Variants in NR1I2 observed in about 807,000 individuals in gnomAD.
NR1I2 encodes the protein orphan nuclear receptor PAR1.
In NR1I2, 42 loss-of-function variants were observed where a neutral mutation model predicts 43.3. That is an observed-to-expected ratio of 0.97 (90% confidence interval 0.76 to 1.26). The LOEUF (loss-of-function observed/expected upper bound fraction) is 1.26, where lower values mean the gene tolerates loss of function less well. Among genes scored for constraint, NR1I2 ranks in the 50% most tolerant of loss-of-function variants. The probability of loss-of-function intolerance (pLI) is 0.00; values close to 1 mark genes in which losing one functional copy is unlikely to be tolerated. For synonymous variants in NR1I2, 229 were observed against 215.0 expected (o/e 1.06, Z -0.57); for missense variants, 559 against 566.7 (o/e 0.99, Z 0.14).
At chr3:119,813,849 A>G (rs902072763) in intron 5 of NR1I2, among the ~76,000 whole-genome samples, 1 of 152,146 alleles carries the variant, frequency 6.6e-6, no homozygotes, top group Non-Finnish European at 1.5e-5. Flanking sequence ...GTGACTGACA[A>G]TTTAACACCA....
rs373020670 is a variant in NR1I2, at chr3:119,803,970, C to G, written c.-22-3259C>G. ...ATGGGGTTTCTCCACGTTGGCCAGG[C>G]TAGTCCTGAATTCCTGGCCTCAAGT... On this transcript the variant is annotated intron_variant, in intron 1 of 8. Transcript: ENST00000393716. Among the ~76,000 whole-genome samples the G allele has an allele frequency of 2.0e-5, 3 of 152,194 alleles. No homozygotes were observed. The East Asian group carries it at 5.8e-4, about 30-fold the overall frequency.
intron 2 of NR1I2, among the ~76,000 whole-genome samples, chr3:119,809,057 T>C (rs1334166757): frequency 6.6e-6 from 1 of 152,182 alleles, no homozygotes; most frequent in Non-Finnish European, 1.5e-5. Context: ...ACTGCGGGCT[T>C]GGCTCAGCTT....
At chr3:119,809,330 T>C (rs1025099067) in intron 2 of NR1I2, among the ~76,000 whole-genome samples, 4 of 151,994 alleles carry the variant, frequency 2.6e-5, no homozygotes, top group Admixed American at 2.0e-4. Flanking sequence ...CCATTGCCTC[T>C]CTGCGCACCG....
chr3:119,803,497 C>T (rs948217976), intron 1 of NR1I2, among the ~76,000 whole-genome samples: 1 of 152,030 alleles, frequency 6.6e-6, no homozygotes, highest in African/African-American at 2.4e-5. Flanking sequence ...TCTACCAGTG[C>T]CTTAATCTTG....
intron 8 of NR1I2, among the ~76,000 whole-genome samples, chr3:119,816,597 G>T (rs1314076617): frequency 1.3e-5 from 2 of 152,126 alleles, no homozygotes; most frequent in Non-Finnish European, 2.9e-5. Flanking sequence ...AAGACAGGAG[G>T]ATCCCTTGGG....
chr3:119,798,234 T>C (rs2055026527), intron 1 of NR1I2, among the ~76,000 whole-genome samples: 3 of 152,214 alleles, frequency 2.0e-5, no homozygotes, highest in African/African-American at 7.2e-5. Context: ...TTTCTGTGCT[T>C]CGGTTTATAT....
At chr3:119,793,552 C>T (rs950446335) in intron 1 of NR1I2, among the ~76,000 whole-genome samples, 1 of 152,216 alleles carries the variant, frequency 6.6e-6, no homozygotes, top group Non-Finnish European at 1.5e-5. Context: ...CTCACAGCCC[C>T]TTCTTCCATC....
At chr3:119,817,006 G>A (rs985457628) in intron 8 of NR1I2, 62 bp from the exon 9 acceptor site, 2 of 1,608,910 alleles carry the variant, frequency 1.2e-6, no homozygotes, top group Admixed American at 3.3e-5. Context: ...CCTCAGAGCA[G>A]CCCTGAGGCT....
At chr3:119,810,521 A>C (rs1253673780) in intron 3 of NR1I2, 1 of 354,432 alleles carries the variant, frequency 2.8e-6, no homozygotes, top group Admixed American at 4.4e-5. Flanking sequence ...GTTTGAAACC[A>C]CATTTGCGGG....
chr3:119,797,997 G>C lies in NR1I2; in HGVS notation c.-22-9232G>C, dbSNP rs141036250. ...TTTGTGGTTAATTTTTTTTTTCTGG[G>C]TATTTGTAAGATTAGTTTTCTTGTC... On this transcript the variant is annotated intron_variant, in intron 1 of 8. Transcript: ENST00000393716. 7.8e-4 allele frequency among the ~76,000 whole-genome samples: 119 copies of C among 151,674 alleles called. 1 individual carries two copies. The highest frequency in any genetic ancestry group is 2.7e-3 in the African/African-American group (112 of 41,342).
chr3:119,817,718 T>A lies in NR1I2; in HGVS notation c.*506T>A. 9.5e-7 allele frequency: 1 copy of A among 1,057,776 alleles called. No homozygotes were observed. Among genetic ancestry groups the A allele is most frequent in the Non-Finnish European group, 1.1e-6 (1 of 872,818 alleles). 65.5% of individuals were successfully genotyped at this position (1,057,776 alleles called of 1,614,324 possible). A position where few individuals can be genotyped will look rare whatever the true frequency, so the allele number is the denominator to read the frequency against. On this transcript the variant is annotated 3_prime_UTR_variant, in exon 9 of 9. Coordinates refer to ENST00000393716, the MANE Select transcript of NR1I2 (RefSeq NM_003889.4). Reference sequence around the variant, plus strand: ...CGAGCTGCTTTGTGGGCTCCAGGCCTGTACTCATCGGCAGGCGCATGAGTA... The same window carrying A: ...CGAGCTGCTTTGTGGGCTCCAGGCCAGTACTCATCGGCAGGCGCATGAGTA...
intron 1 of NR1I2, chr3:119,792,687 G>A (rs1577271284): frequency 4.0e-6 from 2 of 496,040 alleles, no homozygotes; most frequent in Non-Finnish European, 7.3e-6. Context: ...AGGAAATACA[G>A]ATAAAATCAC....
At chr3:119,787,934 G>C (rs776657376) in intron 1 of NR1I2, among the ~76,000 whole-genome samples, 8 of 151,516 alleles carry the variant, frequency 5.3e-5, no homozygotes, top group Non-Finnish European at 1.0e-4. Context: ...CTTTTACTTA[G>C]ACTCTGTTGC....
chr3:119,797,186 A>ATGTGTG (rs60261128), intron 1 of NR1I2, among the ~76,000 whole-genome samples: 45,917 of 144,938 alleles, frequency 0.32, 7,912 homozygotes, highest in Middle Eastern at 0.44. Context: ...GCACAAAGAT[A>ATGTGTG]TGTGTGTGTG....
chr3:119,804,109 C>T (rs181668384), intron 1 of NR1I2, among the ~76,000 whole-genome samples: 60 of 151,020 alleles, frequency 4.0e-4, no homozygotes, highest in African/African-American at 9.7e-4. Flanking sequence ...CGGTGGCTCA[C>T]GCCTGTAATC....
In NR1I2 at chr3:119,799,379, AT is replaced by A. The variant is rs1437969067; in HGVS notation, c.-22-7847del. Among the ~76,000 whole-genome samples the A allele has an allele frequency of 7.9e-5, 12 of 152,082 alleles. No homozygotes were observed. In the East Asian group the frequency reaches 2.3e-3, roughly 29 times the overall value. ...CTTTTGTTCATTTTTAAATTGGGTT[AT>A]TTGTATTTATATTATTGAGTTGTAA... On this transcript the variant is annotated intron_variant, in intron 1 of 8. Coordinates refer to ENST00000393716, the MANE Select transcript of NR1I2 (RefSeq NM_003889.4).
intron 1 of NR1I2, among the ~76,000 whole-genome samples, chr3:119,799,985 A>AACAAAC (rs1553717728): frequency 0.19 from 26,586 of 142,078 alleles, 2,919 homozygotes; most frequent in Non-Finnish European, 0.26. Context: ...CAAACAAACA[A>AACAAAC]ACACACACAC....
intron 1 of NR1I2, among the ~76,000 whole-genome samples, chr3:119,797,665 A>G (rs146405179): frequency 1.3e-5 from 2 of 152,260 alleles, no homozygotes; most frequent in South Asian, 2.1e-4. Context: ...GTAGTTTTAA[A>G]CCTTCAATAT....
At position 119,791,782 on chromosome 3, in the gene NR1I2, G is replaced by C. The variant is rs974459151; in HGVS notation, c.-23+9482G>C. On this transcript the variant is annotated intron_variant, in intron 1 of 8. Coordinates refer to ENST00000393716, the MANE Select transcript of NR1I2 (RefSeq NM_003889.4). ...ATACAAAAATTAGATGTGGAGTTCA[G>C]AGTGGAAACAGGTGTGAGAGGGTTC... The C allele has an allele frequency of 1.6e-5, 7 of 445,958 alleles. No individual in the cohort carries two copies. In the Admixed American group the frequency reaches 1.9e-4, roughly 12 times the overall value. 27.6% of individuals were successfully genotyped at this position (445,958 alleles called of 1,614,324 possible). A position where few individuals can be genotyped will look rare whatever the true frequency, so the allele number is the denominator to read the frequency against.
Sources: allele counts gnomAD v4.1 joint callset (sites outside exome capture counted in the v4.1 genomes callset), GRCh38; gene constraint gnomAD v4.1.1; transcripts MANE v1.5; gene names NCBI Gene and HGNC (gene_info 2026-07-23, HGNC 2026-07-21).